Variants in LETMD1 observed in about 807,000 individuals in gnomAD.
LETMD1 encodes LETM1 domain-containing protein 1.
A neutral mutation model predicts 43.9 loss-of-function variants in LETMD1; 30 were observed. That is an observed-to-expected ratio of 0.68 (90% CI 0.51 to 0.93). LETMD1 has a LOEUF of 0.93. Among genes scored for constraint, LETMD1 ranks in the 40% least tolerant of loss-of-function variants. The pLI, the probability that LETMD1 is intolerant of heterozygous loss-of-function variation, is 0.00. For synonymous variants in LETMD1, 176 were observed against 163.1 expected (o/e 1.08, Z -0.60); for missense variants, 413 against 447.7 (o/e 0.92, Z 0.70).
At chr12:51,061,375 A>G (rs961944055), downstream of LETMD1, 1 of 152,650 alleles carries the variant, frequency 6.6e-6, no homozygotes, top group Admixed American at 6.5e-5. Flanking sequence ...AAATTGGAAA[A>G]TAATAAGGGT....
In LETMD1 at chr12:51,053,896, G is replaced by A. The variant is rs759886010; in HGVS notation, c.473+36G>A. ...ACTTCCATCTCCCCAACATCTTGAA[G>A]ATGTATCAATTTTTTTAAATTAAGA... On this transcript the variant is annotated intron_variant, in intron 4 of 8. Coordinates refer to ENST00000262055, the MANE Select transcript of LETMD1 (RefSeq NM_015416.5). The A allele has an allele frequency of 8.8e-6, 12 of 1,358,524 alleles. No individual in the cohort carries two copies. In the East Asian group the frequency reaches 2.5e-4, roughly 29 times the overall value. The allele number at this position is 1,358,524 out of a possible 1,614,324, so 84.2% of individuals were successfully genotyped here. A position where few individuals can be genotyped will look rare whatever the true frequency, so the allele number is the denominator to read the frequency against.
Position 51,055,973 on chromosome 12 carries a change from C to T in LETMD1, c.612C>T (p.Leu204=). 1.9e-6 allele frequency: 3 copies of T among 1,614,138 alleles called. No homozygotes were observed. Among genetic ancestry groups the T allele is most frequent in the Non-Finnish European group, 2.5e-6 (3 of 1,179,978 alleles). Reference sequence around the variant, plus strand: ...GTTATTTAGAAAAGGTCATCCCTCTCATTTCTGATGCAGGACTCCGGTGGC... The same window carrying T: ...GTTATTTAGAAAAGGTCATCCCTCTTATTTCTGATGCAGGACTCCGGTGGC... ...IISYLEKVIP[L]ISDAGLRWRL... The change falls in exon 5 of 9, where the codon CTC becomes CTT. Residue 204 remains leucine (L), a synonymous_variant. Transcript: ENST00000262055.
At chr12:51,066,825 C>G in the LETMD1 span, among the ~76,000 whole-genome samples, 2 of 152,052 alleles carry the variant, frequency 1.3e-5, no homozygotes, top group African/African-American at 4.8e-5. Flanking sequence ...AGGCCCACAC[C>G]ATTCCTCTGC....
At chr12:51,066,412 G>A in the LETMD1 span, among the ~76,000 whole-genome samples, 37 of 147,112 alleles carry the variant, frequency 2.5e-4, no homozygotes, top group Admixed American at 7.7e-4. Context: ...GAGATCACGC[G>A]CTACGGCACT....
chr12:51,059,442 G>C lies in LETMD1; in HGVS notation c.*11G>C, dbSNP rs1181553997. 1 of 1,612,598 alleles carries C rather than the reference G, an allele frequency of 6.2e-7. No individual in the cohort carries two copies. Among genetic ancestry groups the C allele is most frequent in the Admixed American group, 1.7e-5 (1 of 60,026 alleles). On this transcript the variant is annotated 3_prime_UTR_variant, in exon 9 of 9. Coordinates refer to ENST00000262055, the MANE Select transcript of LETMD1 (RefSeq NM_015416.5). ...GGGACAAGGCGCTGAATGAACCATG[G>C]AGCGGATGGCATTGTCCTGCAGTCG... is the stretch of plus-strand genomic sequence containing the variant.
At chr12:51,065,164 C>T (rs1304706946), downstream of LETMD1, among the ~76,000 whole-genome samples, 1 of 152,102 alleles carries the variant, frequency 6.6e-6, no homozygotes, top group Non-Finnish European at 1.5e-5. Flanking sequence ...AAAAAAAATA[C>T]ATTCTGGGGA....
intron 2 of LETMD1, among the ~76,000 whole-genome samples, chr12:51,049,734 CTG>C (rs1218838739): frequency 6.6e-6 from 1 of 152,212 alleles, no homozygotes; most frequent in African/African-American, 2.4e-5. Flanking sequence ...CAGTTCGTCA[CTG>C]TGCGATTGGA....
rs769170181 is a variant in LETMD1 at position 51,055,920 on chromosome 12, C to G, written c.559C>G (p.Arg187Gly). 8 of 1,613,672 alleles carry G rather than the reference C, an allele frequency of 5.0e-6. No homozygotes were observed. Among genetic ancestry groups the G allele is most frequent in the Non-Finnish European group, 6.8e-6 (8 of 1,179,730 alleles). Reference sequence around the variant, plus strand: ...TTTCTTAGATATCTATCATGCTTTCCGGAAGCAGTCCCACCCAGAAATTAT... The same window carrying G: ...TTTCTTAGATATCTATCATGCTTTCGGGAAGCAGTCCCACCCAGAAATTAT... The part of the protein sequence containing the change: ...TDFLDIYHAF[R>G]KQSHPEIISY... The change falls in exon 5 of 9, where the codon CGG becomes GGG. Residue 187 changes from arginine (R) to glycine (G), a missense_variant. Coordinates refer to ENST00000262055, the MANE Select transcript of LETMD1 (RefSeq NM_015416.5).
chr12:51,055,766 T>C, intron 4 of LETMD1, 69 bp from the exon 5 acceptor site: 1 of 1,070,994 alleles, frequency 9.3e-7, no homozygotes, highest in Non-Finnish European at 1.4e-6. Context: ...GTCTACCAAA[T>C]GCTTTCTTTG....
the LETMD1 span, among the ~76,000 whole-genome samples, chr12:51,068,906 G>C: frequency 1.6e-3 from 250 of 152,334 alleles, 1 homozygote; most frequent in Non-Finnish European, 2.9e-3. Context: ...ACTGTAAGGA[G>C]AAAAAGCAAA....
chr12:51,060,901 C>CAAAAAAAAAAAAAAAAAA (rs35850463), downstream of LETMD1, among the ~76,000 whole-genome samples: 1 of 65,488 alleles, frequency 1.5e-5, no homozygotes, highest in African/African-American at 5.5e-5. Flanking sequence ...GATTCTGTCT[C>CAAAAAAAAAAAAAAAAAA]AAAAAAAAAA....
chr12:51,067,768 C>T, the LETMD1 span: 1 of 1,614,138 alleles, frequency 6.2e-7, no homozygotes. The surrounding 1 kb of genome is among the most constrained non-coding windows in gnomAD (Gnocchi z 4.1). Context: ...AGGCGGATGG[C>T]TCGAAGTTCT....
chr12:51,051,651 C>G (rs10747603), intron 2 of LETMD1, among the ~76,000 whole-genome samples: 135,336 of 151,848 alleles, frequency 0.89, 60,515 homozygotes, highest in East Asian at 0.98. Flanking sequence ...AGGTTGCAGT[C>G]AGCCGAAATC....
downstream of LETMD1, chr12:51,063,787 G>A (rs1458927461): frequency 1.9e-6 from 3 of 1,594,136 alleles, no homozygotes; most frequent in East Asian, 2.2e-5. Flanking sequence ...TCTTCAGGGG[G>A]CCGATCCTCA....
chr12:51,052,450 G>A, intron 3 of LETMD1: 1 of 469,404 alleles, frequency 2.1e-6, no homozygotes, highest in Non-Finnish European at 3.7e-6. Context: ...AATGAAAGTT[G>A]TAAATACTAA....
intron 1 of LETMD1, chr12:51,048,778 G>C: frequency 1.7e-6 from 1 of 586,104 alleles, no homozygotes; most frequent in Non-Finnish European, 3.0e-6. Context: ...GACTTAGCCT[G>C]CAGTTCAAAT....
intron 8 of LETMD1, 127 bp downstream of exon 8, chr12:51,058,255 C>A: frequency 3.0e-6 from 2 of 665,238 alleles, no homozygotes; most frequent in Admixed American, 2.3e-5. Flanking sequence ...ATTGAAAGGG[C>A]ACAAACTCAC....
intron 7 of LETMD1, chr12:51,057,754 T>C: frequency 2.0e-5 from 8 of 397,468 alleles, no homozygotes; most frequent in South Asian, 1.5e-4. Flanking sequence ...GCCTCCCGAG[T>C]AGCTGGGACT....
downstream of LETMD1, chr12:51,062,262 C>G (rs929714366): frequency 6.6e-6 from 1 of 152,140 alleles, no homozygotes; most frequent in Non-Finnish European, 1.5e-5. Context: ...TGTCTCCCCC[C>G]CAACACAGTT....
Sources: allele counts gnomAD v4.1 joint callset (sites outside exome capture counted in the v4.1 genomes callset), GRCh38; gene constraint gnomAD v4.1.1; non-coding constraint Gnocchi (gnomAD v3.1); transcripts MANE v1.5; gene names NCBI Gene and HGNC (gene_info 2026-07-23, HGNC 2026-07-21).